CLIP2: variants seen among roughly 807,000 people sequenced by gnomAD.
CLIP2 encodes the protein CAP-Gly domain containing linker protein 2, also known as CAP-Gly domain-containing linker protein 2.
In CLIP2, 41 loss-of-function variants were observed where a neutral mutation model predicts 111.7. The observed-to-expected ratio is 0.37, with a 90% confidence interval of 0.29 to 0.48. The LOEUF is 0.48. Among genes scored for constraint, CLIP2 ranks in the 20% least tolerant of loss-of-function variants. The pLI, the probability that CLIP2 is intolerant of heterozygous loss-of-function variation, is 0.99. For missense variants in CLIP2, 1,160 were observed against 1,422.1 expected (o/e 0.82, Z 2.96); for synonymous variants, 660 against 644.2 (o/e 1.02, Z -0.37).
chr7:74,310,278 A>T (rs1788609235), intron 1 of CLIP2, among the ~76,000 whole-genome samples: 1 of 151,848 alleles, frequency 6.6e-6, no homozygotes, highest in African/African-American at 2.4e-5. Context: ...TAATCTCAGC[A>T]CTTTGGTAGG....
At chr7:74,320,953 A>G (rs1248641909) in intron 2 of CLIP2, among the ~76,000 whole-genome samples, 1 of 88,006 alleles carries the variant, frequency 1.1e-5, no homozygotes, top group Non-Finnish European at 3.3e-5. Flanking sequence ...CATGGCGTGC[A>G]GCGAGAGAGT....
At chr7:74,381,476 C>T (rs1045383250) in intron 11 of CLIP2, 13 of 382,424 alleles carry the variant, frequency 3.4e-5, no homozygotes, top group Admixed American at 1.9e-4. Flanking sequence ...CATGAGCCAC[C>T]GTGCCTAGCT....
intron 8 of CLIP2, 40 bp from the exon 9 acceptor site, chr7:74,372,892 C>A: frequency 2.0e-6 from 1 of 488,428 alleles, no homozygotes; most frequent in South Asian, 1.7e-5. Context: ...CCTGCGTCCC[C>A]GCCCCCACCC....
intron 1 of CLIP2, among the ~76,000 whole-genome samples, chr7:74,289,987 C>T (rs1787965575): frequency 6.6e-6 from 1 of 152,124 alleles, no homozygotes; most frequent in African/African-American, 2.4e-5. Context: ...GGGCTATTCC[C>T]GGGCTGCGGG....
chr7:74,394,569 C>G (rs542076205), intron 13 of CLIP2, among the ~76,000 whole-genome samples: 2 of 152,234 alleles, frequency 1.3e-5, no homozygotes, highest in African/African-American at 4.8e-5. Context: ...CATTTCAACC[C>G]GAGTTAAAGG....
At chr7:74,391,724 G>C (rs1249672527) in intron 13 of CLIP2, among the ~76,000 whole-genome samples, 1 of 151,984 alleles carries the variant, frequency 6.6e-6, no homozygotes, top group African/African-American at 2.4e-5. Context: ...GGAGGCTGAG[G>C]CAGGAGAGTC....
intron 1 of CLIP2, among the ~76,000 whole-genome samples, chr7:74,311,350 A>G (rs554393455): frequency 5.5e-4 from 83 of 152,192 alleles, no homozygotes; most frequent in African/African-American, 1.8e-3. Context: ...ATTTCCACCA[A>G]CACTACGAGC....
intron 4 of CLIP2, among the ~76,000 whole-genome samples, chr7:74,354,609 T>C (rs1554308147): frequency 2.0e-5 from 3 of 151,746 alleles, no homozygotes; most frequent in Admixed American, 6.6e-5. Context: ...AGTGAGACTC[T>C]GTCTCAAAAA....
chr7:74,362,467 C>T (rs1378171795), intron 7 of CLIP2, among the ~76,000 whole-genome samples: 1 of 151,536 alleles, frequency 6.6e-6, no homozygotes, highest in East Asian at 1.9e-4. Flanking sequence ...GCCTACACAT[C>T]TGGTTCCCAT....
At chr7:74,366,290 C>T (rs1790468557) in intron 8 of CLIP2, among the ~76,000 whole-genome samples, 1 of 152,156 alleles carries the variant, frequency 6.6e-6, no homozygotes, top group Admixed American at 6.6e-5. Context: ...GGCGTCTCCT[C>T]CTTCCTAATC....
At chr7:74,377,844 A>C (rs1554313249) in intron 10 of CLIP2, among the ~76,000 whole-genome samples, 1 of 144,930 alleles carries the variant, frequency 6.9e-6, no homozygotes, top group East Asian at 2.0e-4. Flanking sequence ...TTTTTTTTTG[A>C]GATGGAGTTT....
At chr7:74,394,545 G>T (rs1488178847) in intron 13 of CLIP2, among the ~76,000 whole-genome samples, 1 of 152,098 alleles carries the variant, frequency 6.6e-6, no homozygotes, top group East Asian at 1.9e-4. Flanking sequence ...CCACCGCCCC[G>T]GGCCCAGCAT....
chr7:74,310,648 T>G (rs1485928059), intron 1 of CLIP2, among the ~76,000 whole-genome samples: 1 of 152,202 alleles, frequency 6.6e-6, no homozygotes, highest in African/African-American at 2.4e-5. Context: ...TTTATAAAAC[T>G]TTCTATGGAC....
At chr7:74,291,518 T>C (rs1584295869) in intron 1 of CLIP2, among the ~76,000 whole-genome samples, 1 of 152,202 alleles carries the variant, frequency 6.6e-6, no homozygotes, top group South Asian at 2.1e-4. Context: ...TGCCTCGACA[T>C]CCTCATCTGT....
chr7:74,299,553 A>C (rs1788267187), intron 1 of CLIP2, among the ~76,000 whole-genome samples: 1 of 151,918 alleles, frequency 6.6e-6, no homozygotes, highest in African/African-American at 2.4e-5. Flanking sequence ...CCTGGTTTGC[A>C]CCCTGTCGCC....
At chr7:74,391,043 C>G (rs1178767556) in intron 13 of CLIP2, among the ~76,000 whole-genome samples, 1 of 151,358 alleles carries the variant, frequency 6.6e-6, no homozygotes, top group Non-Finnish European at 1.5e-5. Flanking sequence ...GAGCGAAACT[C>G]CATCAAAAAA....
intron 2 of CLIP2, among the ~76,000 whole-genome samples, chr7:74,337,202 C>G (rs1034631219): frequency 9.9e-5 from 15 of 152,122 alleles, no homozygotes; most frequent in African/African-American, 3.6e-4. Context: ...TTCCACTTTC[C>G]GGGGTCTGTG....
intron 3 of CLIP2, among the ~76,000 whole-genome samples, chr7:74,345,117 C>T (rs1789767176): frequency 6.6e-6 from 1 of 152,172 alleles, no homozygotes; most frequent in South Asian, 2.1e-4. Context: ...CTTTCATGTG[C>T]CAGGCACATG....
intron 3 of CLIP2, among the ~76,000 whole-genome samples, chr7:74,340,332 G>T (rs1047336555): frequency 3.9e-5 from 6 of 152,136 alleles, no homozygotes; most frequent in African/African-American, 1.4e-4. Context: ...GGAGGCAGAG[G>T]TTTCAGTGAG....
Sources: gnomAD v4.1 joint callset for allele counts (sites outside exome capture counted in the v4.1 genomes callset) on GRCh38, gnomAD v4.1.1 for gene constraint, MANE v1.5 for transcripts, NCBI Gene and HGNC (gene_info 2026-07-23, HGNC 2026-07-21) for gene names.